The following ADCY10 variants were observed in gnomAD, a reference collection of about 807,000 sequenced individuals.
ADCY10 encodes the protein adenylate cyclase 10.
In ADCY10, 156 loss-of-function variants were observed where a neutral mutation model predicts 183.3. The ratio of observed to expected loss-of-function variants is 0.85; its 90% CI spans 0.75 to 0.97. The LOEUF (loss-of-function observed/expected upper bound fraction) is 0.97. Among genes scored for constraint, ADCY10 ranks in the 50% least tolerant of loss-of-function variants. The probability of loss-of-function intolerance (pLI) is 0.00; values close to 1 mark genes in which losing one functional copy is unlikely to be tolerated. For synonymous variants in ADCY10, 645 were observed against 670.0 expected (o/e 0.96, Z 0.58); for missense variants, 1,745 against 1,934.3 (o/e 0.90, Z 1.84).
chr1:167,847,709 A>T (rs550245090), intron 19 of ADCY10, among the ~76,000 whole-genome samples: 1 of 152,236 alleles, frequency 6.6e-6, no homozygotes, highest in Non-Finnish European at 1.5e-5. Flanking sequence ...GGAGTAAGCC[A>T]CTGTGCCTGG....
rs1347047380 is a variant in ADCY10, at chr1:167,875,174, C to G, written c.1419G>C (p.Met473Ile). 6.2e-7 allele frequency: 1 copy of G among 1,614,010 alleles called. No homozygotes were observed. The highest frequency in any genetic ancestry group is 1.3e-5 in the African/African-American group (1 of 74,922). Residue 473 changes from methionine to isoleucine, a missense_variant, in exon 13 of 33, where the codon ATG becomes ATC. Physicochemically the swap from Met to Ile is conservative, Grantham distance 10. Transcript: ENST00000367851. ...CCTTTCTGTTGCAGATGAGGCACGC[C>G]ATACCAAACATGCTGAAGAGAAGAA... ...WGRTEKVMFG[M>I]ACLICNRKED...
chr1:167,831,611 C>A (rs1663742170), intron 25 of ADCY10, among the ~76,000 whole-genome samples: 1 of 152,282 alleles, frequency 6.6e-6, no homozygotes, highest in African/African-American at 2.4e-5. Flanking sequence ...ATATTTTAAG[C>A]CAACAGCTCC....
At position 167,883,379 on chromosome 1, in the gene ADCY10, G is replaced by A. The variant is rs1017335195; in HGVS notation, c.1020+58C>T. Reference sequence around the variant, plus strand: ...TGTGTCTATTCTCACCAATGTGCTTGTCCATGAATGCTAACCTAAAACTAT... The same window carrying A: ...TGTGTCTATTCTCACCAATGTGCTTATCCATGAATGCTAACCTAAAACTAT... On this transcript the variant is annotated intron_variant, in intron 9 of 32. Transcript: ENST00000367851. The A allele has an allele frequency of 7.0e-6, 11 of 1,571,828 alleles. No individual in the cohort carries two copies. In the African/African-American group the frequency reaches 1.5e-4, roughly 21 times the overall value.
chr1:167,906,376 A>G (rs981768677), intron 1 of ADCY10, among the ~76,000 whole-genome samples: 2 of 151,872 alleles, frequency 1.3e-5, no homozygotes. Context: ...AAAAAAAAAA[A>G]GGGTAGCATT....
chr1:167,867,795 C>T (rs1458295170), intron 14 of ADCY10, among the ~76,000 whole-genome samples: 6 of 151,532 alleles, frequency 4.0e-5, no homozygotes, highest in African/African-American at 1.5e-4. Context: ...AAAAAAGTTA[C>T]ACAGCAGGAA....
intron 2 of ADCY10, 115 bp downstream of exon 2, chr1:167,904,878 T>C (rs1161080085): frequency 7.2e-7 from 1 of 1,395,442 alleles, no homozygotes; most frequent in Non-Finnish European, 1.0e-6. Flanking sequence ...ACATCTGCTG[T>C]GACAGCCCAA....
intron 14 of ADCY10, among the ~76,000 whole-genome samples, chr1:167,864,605 G>A (rs1666547806): frequency 6.6e-6 from 1 of 152,060 alleles, no homozygotes; most frequent in Non-Finnish European, 1.5e-5. Flanking sequence ...GAGGGAGAGA[G>A]AGAGACAGAA....
chr1:167,826,268 A>G (rs1407135539), intron 26 of ADCY10, among the ~76,000 whole-genome samples: 1 of 152,236 alleles, frequency 6.6e-6, no homozygotes, highest in African/African-American at 2.4e-5. Context: ...CCAAGGCTGT[A>G]ATAAAGCCTA....
chr1:167,822,160 G>T lies in ADCY10; in HGVS notation c.4169-19C>A. On this transcript the variant is annotated intron_variant, in intron 29 of 32. Transcript: ENST00000367851. ...ACAAAACCTAAGAGAGAGAGGAATG[G>T]GTGAGAGTTATTAGTAGGTGTGGGT... 1 of 1,448,562 alleles carries T rather than the reference G, an allele frequency of 6.9e-7. No individual in the cohort carries two copies. Among genetic ancestry groups the T allele is most frequent in the Non-Finnish European group, 9.7e-7 (1 of 1,029,082 alleles). The allele number at this position is 1,448,562 out of a possible 1,614,324, so 89.7% of individuals were successfully genotyped here. A position where few individuals can be genotyped will look rare whatever the true frequency, so the allele number is the denominator to read the frequency against.
intron 14 of ADCY10, among the ~76,000 whole-genome samples, chr1:167,867,256 A>G (rs1351960221): frequency 3.9e-5 from 6 of 152,046 alleles, no homozygotes; most frequent in East Asian, 1.9e-4. Flanking sequence ...AGCTTCACCA[A>G]CCTCTGCAAA....
chr1:167,841,518 T>TG lies in ADCY10; in HGVS notation c.3007+4044_3007+4045insC, dbSNP rs1424881915. Among the ~76,000 whole-genome samples, 96 of 149,184 alleles carry TG rather than the reference T, an allele frequency of 6.4e-4. 3 individuals carry two copies. The East Asian group carries it at 0.013, about 21-fold the overall frequency. On this transcript the variant is annotated intron_variant, in intron 21 of 32. Transcript: ENST00000367851. Reference sequence around the variant, plus strand: ...TATGCTTTCCTTTTTTTTTTTTTTTTTTTTTAAGAGTTGGGGTCTTGCTTT... The same window carrying TG: ...TATGCTTTCCTTTTTTTTTTTTTTTTGTTTTTAAGAGTTGGGGTCTTGCTTT...
intron 28 of ADCY10, 139 bp downstream of exon 28, chr1:167,824,337 G>T (rs1663118982): frequency 2.6e-6 from 2 of 782,800 alleles, no homozygotes; most frequent in Non-Finnish European, 4.6e-6. Flanking sequence ...AAGAAAAAAG[G>T]GTGACTACTA....
Position 167,845,806 on chromosome 1 carries a change from C to T in ADCY10, c.2764G>A (p.Glu922Lys), listed in dbSNP as rs772519958. 5.0e-6 allele frequency: 8 copies of T among 1,614,052 alleles called. No homozygotes were observed. In the African/African-American group the frequency reaches 8.0e-5, roughly 16 times the overall value. Residue 922 changes from glutamate to lysine, a missense_variant, in exon 21 of 33, where the codon GAG becomes AAG. Physicochemically the swap from Glu to Lys is moderately conservative, Grantham distance 56. Transcript: ENST00000367851. ...QLRELENEVIECHRIRFCNPM... is the reference protein window; with the variant it reads ...QLRELENEVIKCHRIRFCNPM... ...TTACAGAATCGAATCCTGTGGCACT[C>T]GATCACCTCATTCTCCAGTTCACGA...
intron 23 of ADCY10, 113 bp downstream of exon 23, chr1:167,836,196 C>T: frequency 1.3e-6 from 1 of 742,990 alleles, no homozygotes; most frequent in Non-Finnish European, 2.4e-6. Context: ...GAAAGGGGTG[C>T]TGTCGGGAAT....
intron 7 of ADCY10, among the ~76,000 whole-genome samples, chr1:167,895,767 T>C (rs566214313): frequency 1.3e-5 from 2 of 152,194 alleles, no homozygotes; most frequent in Non-Finnish European, 2.9e-5. Flanking sequence ...AGTTTTGTGA[T>C]ACAGTCTTCT....
At chr1:167,864,699 G>C (rs1464106981) in intron 14 of ADCY10, among the ~76,000 whole-genome samples, 1 of 152,064 alleles carries the variant, frequency 6.6e-6, no homozygotes, top group Admixed American at 6.6e-5. Flanking sequence ...TAAAAGCCAA[G>C]GTAAATTTAA....
intron 21 of ADCY10, among the ~76,000 whole-genome samples, chr1:167,840,444 C>T (rs1571269061): frequency 6.6e-6 from 1 of 150,856 alleles, no homozygotes; most frequent in East Asian, 1.9e-4. Flanking sequence ...GCAACCTCTG[C>T]CTCCTGGATT....
intron 14 of ADCY10, among the ~76,000 whole-genome samples, chr1:167,869,138 G>A (rs1228706686): frequency 1.3e-5 from 2 of 152,150 alleles, no homozygotes; most frequent in African/African-American, 2.4e-5. Context: ...AGTGTAGCAC[G>A]GATTCGACCC....
intron 24 of ADCY10, among the ~76,000 whole-genome samples, chr1:167,833,744 C>CAAAAAAAA (rs539820019): frequency 1.0e-5 from 1 of 98,434 alleles, no homozygotes; most frequent in Non-Finnish European, 2.3e-5. Context: ...GACTCCCTCT[C>CAAAAAAAA]AAAAAAAAAA....
Sources: gnomAD v4.1 joint callset for allele counts (sites outside exome capture counted in the v4.1 genomes callset) on GRCh38, gnomAD v4.1.1 for gene constraint, MANE v1.5 for transcripts, NCBI Gene and HGNC (gene_info 2026-07-23, HGNC 2026-07-21) for gene names.